Variants in DLEU7 observed in about 807,000 individuals in gnomAD.
DLEU7 encodes deleted in lymphocytic leukemia 7.
In DLEU7, 17 loss-of-function variants were observed where a neutral mutation model predicts 16.0. That is an observed-to-expected ratio of 1.06 (90% CI 0.73 to 1.59). The LOEUF (loss-of-function observed/expected upper bound fraction) is 1.59. Ranked by LOEUF, DLEU7 falls within the 40% of genes most tolerant of loss-of-function variation. The pLI is 0.00. For missense variants in DLEU7, 308 were observed against 314.9 expected (o/e 0.98, Z 0.17); for synonymous variants, 113 against 139.8 (o/e 0.81, Z 1.35).
At chr13:50,760,696 A>G (rs972482615) in intron 1 of DLEU7, among the ~76,000 whole-genome samples, 3 of 152,210 alleles carry the variant, frequency 2.0e-5, no homozygotes, top group Admixed American at 1.3e-4. Context: ...CATGCATGTA[A>G]GTATTTACTG....
At chr13:50,752,171 C>T (rs907043207) in intron 1 of DLEU7, among the ~76,000 whole-genome samples, 7 of 151,734 alleles carry the variant, frequency 4.6e-5, no homozygotes, top group African/African-American at 1.7e-4. Context: ...CCTGCCTCAG[C>T]CTCCCTAGTA....
chr13:50,760,815 T>C (rs1874906009), intron 1 of DLEU7, among the ~76,000 whole-genome samples: 1 of 152,220 alleles, frequency 6.6e-6, no homozygotes, highest in African/African-American at 2.4e-5. Context: ...GGTTAGGCTA[T>C]GGTATGATAG....
intron 1 of DLEU7, among the ~76,000 whole-genome samples, chr13:50,841,437 G>A (rs2137819442): frequency 6.6e-6 from 1 of 152,006 alleles, no homozygotes; most frequent in East Asian, 1.9e-4. Context: ...GCCTTCCAGG[G>A]TCACCTTAGG....
At chr13:50,795,973 G>A (rs189926814) in intron 1 of DLEU7, among the ~76,000 whole-genome samples, 95 of 152,134 alleles carry the variant, frequency 6.2e-4, no homozygotes, top group African/African-American at 2.0e-3. Flanking sequence ...TAGGAACTAC[G>A]TACTTTTCAT....
chr13:50,765,630 G>T (rs573930), intron 1 of DLEU7, among the ~76,000 whole-genome samples: 46,860 of 151,878 alleles, frequency 0.31, 7,859 homozygotes, highest in African/African-American at 0.42. Context: ...AGAAGACCAG[G>T]AGAAATGTGA....
intron 1 of DLEU7, among the ~76,000 whole-genome samples, chr13:50,771,974 A>G (rs543421133): frequency 6.6e-6 from 1 of 152,202 alleles, no homozygotes; most frequent in African/African-American, 2.4e-5. Flanking sequence ...TATATTTAGG[A>G]TAGTTAGCGC....
intron 1 of DLEU7, among the ~76,000 whole-genome samples, chr13:50,732,779 A>G (rs138558550): frequency 6.6e-6 from 1 of 152,280 alleles, no homozygotes; most frequent in Non-Finnish European, 1.5e-5. Flanking sequence ...TAGCAGTAGT[A>G]ACAACAACTA....
chr13:50,834,515 C>T (rs953761979), intron 1 of DLEU7, among the ~76,000 whole-genome samples: 7 of 151,530 alleles, frequency 4.6e-5, no homozygotes, highest in South Asian at 2.1e-4. Context: ...CCAGGTAGAA[C>T]GGAGATCATT....
chr13:50,843,469 G>T lies in DLEU7; in HGVS notation c.178C>A (p.Arg60=). 1.5e-6 allele frequency: 2 copies of T among 1,323,016 alleles called. No homozygotes were observed. Among genetic ancestry groups the T allele is most frequent in the Non-Finnish European group, 1.9e-6 (2 of 1,043,828 alleles). The allele number at this position is 1,323,016 out of a possible 1,614,324, so 82.0% of individuals were successfully genotyped here. Residue 60 remains arginine (R), a synonymous_variant, in exon 1 of 2, where the codon CGG becomes AGG. Transcript: ENST00000504404. The surrounding 1 kb of genome is among the most constrained non-coding windows in gnomAD (Gnocchi z 5.7). ...PARRSGPPRA[R]PGPGREERGG... The stretch of plus-strand genomic sequence containing the variant: ...CGCTCCTCGCGCCCGGGCCCCGGCC[G>T]GGCCCGCGGCGGGCCTGAGCGACGG...
chr13:50,760,642 G>A (rs959266397), intron 1 of DLEU7, among the ~76,000 whole-genome samples: 8 of 152,304 alleles, frequency 5.3e-5, no homozygotes, highest in Admixed American at 2.0e-4. Context: ...GATTACAGGC[G>A]TGAGCCACTG....
At chr13:50,747,083 A>C (rs118139249) in intron 1 of DLEU7, among the ~76,000 whole-genome samples, 1,862 of 152,284 alleles carry the variant, frequency 0.012, 20 homozygotes, top group South Asian at 0.044. Context: ...ACCAGAATTC[A>C]CGAAAGATAG....
chr13:50,843,099 G>C lies in DLEU7; in HGVS notation c.459+89C>G. 1 of 1,272,794 alleles carries C rather than the reference G, an allele frequency of 7.9e-7. No homozygotes were observed. The highest frequency in any genetic ancestry group is 1.1e-6 in the Non-Finnish European group (1 of 946,378). 78.8% of individuals were successfully genotyped at this position (1,272,794 alleles called of 1,614,324 possible). ...TGGGCAGCAGTGTTTGGGATCCTGC[G>C]ATCCACCCATCGCCATCCCAGCAGC... On this transcript the variant is annotated intron_variant, in intron 1 of 1. Coordinates refer to ENST00000504404, the MANE Select transcript of DLEU7 (RefSeq NM_001306135.2). This position sits in a 1 kb window ranked among gnomAD's most constrained non-coding sequence, Gnocchi z 5.7.
At chr13:50,734,147 GT>G (rs1311905730) in intron 1 of DLEU7, among the ~76,000 whole-genome samples, 2 of 152,174 alleles carry the variant, frequency 1.3e-5, no homozygotes, top group African/African-American at 4.8e-5. Flanking sequence ...CAAATTAGGA[GT>G]CCTGCTCTTC....
At chr13:50,840,390 A>G (rs1293561872) in intron 1 of DLEU7, among the ~76,000 whole-genome samples, 2 of 152,162 alleles carry the variant, frequency 1.3e-5, no homozygotes, top group Admixed American at 6.6e-5. Flanking sequence ...CCAAGTGGAG[A>G]TATTACCTAT....
chr13:50,830,678 A>G lies in DLEU7; in HGVS notation c.460-7158T>C, dbSNP rs76537662. Among the ~76,000 whole-genome samples the G allele has an allele frequency of 3.1e-3, 469 of 152,364 alleles. 3 individuals carry two copies. Among genetic ancestry groups the G allele is most frequent in the Middle Eastern group, 0.014 (4 of 294 alleles). On this transcript the variant is annotated intron_variant, in intron 1 of 1. Transcript: ENST00000504404. ...GCAATCCAATCAAAGAAATAGCTCTAGTTTTTACAATATGGCTTATTAATT... is the reference window on the plus strand; with the variant it reads ...GCAATCCAATCAAAGAAATAGCTCTGGTTTTTACAATATGGCTTATTAATT...
At chr13:50,755,108 C>T (rs1301946874) in intron 1 of DLEU7, among the ~76,000 whole-genome samples, 5 of 152,214 alleles carry the variant, frequency 3.3e-5, no homozygotes, top group Admixed American at 6.5e-5. Context: ...GCCTTTGTCT[C>T]ATAGCTCTTA....
chr13:50,833,916 C>G (rs1306340077), intron 1 of DLEU7, among the ~76,000 whole-genome samples: 2 of 152,026 alleles, frequency 1.3e-5, no homozygotes, highest in East Asian at 3.9e-4. Flanking sequence ...CTTTGACAAA[C>G]CTGACAAAAA....
intron 1 of DLEU7, among the ~76,000 whole-genome samples, chr13:50,730,234 G>A (rs909949015): frequency 3.9e-5 from 6 of 152,002 alleles, no homozygotes; most frequent in South Asian, 2.1e-4. Flanking sequence ...AGCACACTCA[G>A]TGTAACTTTT....
chr13:50,822,000 C>CT (rs1379988045), downstream of DLEU7, among the ~76,000 whole-genome samples: 5 of 151,938 alleles, frequency 3.3e-5, no homozygotes, highest in African/African-American at 1.2e-4. Context: ...AATAAATGCC[C>CT]TTTATTTCTG....
Sources: gnomAD v4.1 joint callset for allele counts (sites outside exome capture counted in the v4.1 genomes callset) on GRCh38, gnomAD v4.1.1 for gene constraint, Gnocchi (gnomAD v3.1) non-coding constraint, MANE v1.5 for transcripts, NCBI Gene and HGNC (gene_info 2026-07-23, HGNC 2026-07-21) for gene names.